EPHA7: variants seen among roughly 807,000 people sequenced by gnomAD.
EPHA7 encodes the protein ephrin type-A receptor 7.
A neutral mutation model predicts 112.6 loss-of-function variants in EPHA7; 25 were observed. The ratio of observed to expected loss-of-function variants is 0.22; its 90% CI spans 0.16 to 0.31. The LOEUF is 0.31. EPHA7 is among the 10% of genes least tolerant of loss of function. The probability of loss-of-function intolerance (pLI) is 1.00; values close to 1 mark genes in which losing one functional copy is unlikely to be tolerated. For synonymous variants in EPHA7, 437 were observed against 406.5 expected, an observed-to-expected ratio of 1.07 and a Z score of -0.90; for missense variants, 962 against 1,212.6, an observed-to-expected ratio of 0.79 and a Z score of 3.07.
At chr6:93,298,271 T>C (rs1252138176) in intron 5 of EPHA7, among the ~76,000 whole-genome samples, 1 of 152,104 alleles carries the variant, frequency 6.6e-6, no homozygotes, top group Non-Finnish European at 1.5e-5. Context: ...TACCTTCACA[T>C]TGTAAACAAA....
intron 3 of EPHA7, among the ~76,000 whole-genome samples, chr6:93,383,451 G>A (rs1191788844): frequency 6.6e-6 from 1 of 151,820 alleles, no homozygotes; most frequent in South Asian, 2.1e-4. Flanking sequence ...TAAGTAGCTC[G>A]CCCAAGGTCA....
At position 93,269,582 on chromosome 6, in the gene EPHA7, C is replaced by T; in HGVS notation, c.1528G>A (p.Val510Met). ...ASINNLKPGT[V>M]YVFQIRAFTA... The stretch of plus-strand genomic sequence containing the variant: ...AAAGCCCGAATCTGGAAAACATACA[C>T]TGTTCCTGGTTTCAGATTATTAATG... The change falls in exon 7 of 17, where the codon GTG (valine) becomes ATG (methionine). Residue 510 changes from valine to methionine, a missense_variant. This residue lies in a region of EPHA7 where 746 missense variants were observed against 889.2 expected (regional missense o/e 0.84). Coordinates refer to ENST00000369303, the MANE Select transcript of EPHA7 (RefSeq NM_004440.4). 1.9e-6 allele frequency: 3 copies of T among 1,607,158 alleles called. No individual in the cohort carries two copies. The highest frequency in any genetic ancestry group is 2.6e-6 in the Non-Finnish European group (3 of 1,176,466).
intron 3 of EPHA7, among the ~76,000 whole-genome samples, chr6:93,405,813 GTATATATATATATATA>G (rs60882775): frequency 1.8e-3 from 131 of 73,980 alleles, no homozygotes; most frequent in Middle Eastern, 8.5e-3. Flanking sequence ...GTGTGTGTGT[GTATATATATATATATA>G]TATATATATA....
chr6:93,276,613 G>A (rs1771483391), intron 5 of EPHA7, among the ~76,000 whole-genome samples: 1 of 152,014 alleles, frequency 6.6e-6, no homozygotes, highest in African/African-American at 2.4e-5. Context: ...TGTTATGGCA[G>A]CAATAGAAAA....
chr6:93,359,124 C>T (rs1053173431), intron 3 of EPHA7, among the ~76,000 whole-genome samples: 1 of 152,082 alleles, frequency 6.6e-6, no homozygotes, highest in Non-Finnish European at 1.5e-5. Context: ...CCTGTTTGTC[C>T]TCTGCCGAGA....
intron 5 of EPHA7, among the ~76,000 whole-genome samples, chr6:93,347,143 A>C (rs1775442623): frequency 6.6e-6 from 1 of 151,876 alleles, no homozygotes; most frequent in Admixed American, 6.6e-5. Flanking sequence ...CTTTTTCCTA[A>C]GAAAATCCTG....
At position 93,240,098 on chromosome 6, in the gene EPHA7, A is replaced by T. The variant is rs941983632; in HGVS notation, c.*3328T>A. Reference sequence around the variant, plus strand: ...GACTTATGATTCATGTTGAAGAAAGAGTTATTTGTGCTTGATACATTGAAG... The same window carrying T: ...GACTTATGATTCATGTTGAAGAAAGTGTTATTTGTGCTTGATACATTGAAG... On this transcript the variant is annotated 3_prime_UTR_variant, in exon 17 of 17. Transcript: ENST00000369303. 8.9e-6 allele frequency: 2 copies of T among 224,312 alleles called. No homozygotes were observed. The highest frequency in any genetic ancestry group is 1.8e-5 in the Non-Finnish European group (2 of 112,446). 13.9% of individuals were successfully genotyped at this position (224,312 alleles called of 1,614,324 possible).
At position 93,259,428 on chromosome 6, in the gene EPHA7, GGGTCCTCATA is replaced by G; in HGVS notation, c.1840_1849del (p.Tyr614GlnfsTer12). On this transcript the variant is annotated frameshift_variant, in exon 10 of 17. Transcript: ENST00000369303. LOFTEE classifies it high-confidence loss of function. ...GGCGAATTGATGGACAGCTCTATTT[GGGTCCTCATA>G]GGTTTCAGGGTCAATGTAGGTTTTG... 1.9e-6 allele frequency: 3 copies of G among 1,612,108 alleles called. No individual in the cohort carries two copies. The highest frequency in any genetic ancestry group is 2.5e-6 in the Non-Finnish European group (3 of 1,178,526).
chr6:93,419,190 A>G, intron 1 of EPHA7, 55 bp downstream of exon 1: 1 of 1,460,998 alleles, frequency 6.8e-7, no homozygotes, highest in Non-Finnish European at 9.5e-7. Flanking sequence ...TGGCTTGTGC[A>G]GGTAGACATC....
chr6:93,394,287 C>T (rs367767147), intron 3 of EPHA7, among the ~76,000 whole-genome samples: 21 of 151,626 alleles, frequency 1.4e-4, no homozygotes, highest in Middle Eastern at 3.4e-3. Flanking sequence ...AACTCAAATA[C>T]GCACCTTTTA....
At chr6:93,304,049 A>C (rs1304993972) in intron 5 of EPHA7, among the ~76,000 whole-genome samples, 1 of 151,988 alleles carries the variant, frequency 6.6e-6, no homozygotes, top group African/African-American at 2.4e-5. Flanking sequence ...TCAAACGAAG[A>C]GGACATTGGA....
intron 3 of EPHA7, among the ~76,000 whole-genome samples, chr6:93,375,375 G>T (rs1777003748): frequency 6.6e-6 from 1 of 151,940 alleles, no homozygotes. Context: ...CAGCACTTTG[G>T]GAGGCCAAGG....
chr6:93,401,736 T>C (rs550052104), intron 3 of EPHA7, among the ~76,000 whole-genome samples: 26 of 152,156 alleles, frequency 1.7e-4, no homozygotes, highest in African/African-American at 5.8e-4. Context: ...TTTAAAGCTA[T>C]TTAAATGTGA....
chr6:93,259,152 T>C (rs1770574460), intron 10 of EPHA7, among the ~76,000 whole-genome samples: 2 of 151,978 alleles, frequency 1.3e-5, no homozygotes, highest in African/African-American at 4.8e-5. Context: ...ACCAAAAATA[T>C]ATGGATTCTT....
intron 9 of EPHA7, among the ~76,000 whole-genome samples, chr6:93,262,357 G>A (rs907776337): frequency 2.6e-5 from 4 of 151,330 alleles, no homozygotes; most frequent in African/African-American, 4.8e-5. Context: ...TTCTGACATT[G>A]GGGGCATATC....
intron 3 of EPHA7, among the ~76,000 whole-genome samples, chr6:93,408,661 C>T (rs572817424): frequency 6.6e-6 from 1 of 152,192 alleles, no homozygotes; most frequent in South Asian, 2.1e-4. Flanking sequence ...ACAATGTCAC[C>T]TCTGGTGAAG....
At position 93,265,584 on chromosome 6, in the gene EPHA7, C is replaced by G. The variant is rs537964692; in HGVS notation, c.1634-882G>C. 5.3e-5 allele frequency among the ~76,000 whole-genome samples: 8 copies of G among 151,542 alleles called. No homozygotes were observed. The South Asian group carries it at 1.7e-3, about 31-fold the overall frequency. On this transcript the variant is annotated intron_variant, in intron 7 of 16. Transcript: ENST00000369303. ...GATGATTCACAATTGTCATATTTTCCCAGAGTTTCATATTTTCAGTAGCAA... is the reference window on the plus strand; with the variant it reads ...GATGATTCACAATTGTCATATTTTCGCAGAGTTTCATATTTTCAGTAGCAA...
At chr6:93,383,102 T>A (rs969112457) in intron 3 of EPHA7, among the ~76,000 whole-genome samples, 2 of 152,110 alleles carry the variant, frequency 1.3e-5, no homozygotes, top group Non-Finnish European at 2.9e-5. Flanking sequence ...ATATTCTAAA[T>A]AATTCAAACA....
chr6:93,250,928 A>G (rs1454567592), intron 14 of EPHA7, among the ~76,000 whole-genome samples: 1 of 152,144 alleles, frequency 6.6e-6, no homozygotes, highest in Non-Finnish European at 1.5e-5. Flanking sequence ...CTTAGAAATA[A>G]AAACAAAAGT....
Sources: gnomAD v4.1 joint callset for allele counts (sites outside exome capture counted in the v4.1 genomes callset) on GRCh38, gnomAD v4.1.1 for gene constraint, gnomAD v4.1.1 regional missense constraint, MANE v1.5 for transcripts, NCBI Gene and HGNC (gene_info 2026-07-23, HGNC 2026-07-21) for gene names.